GPRC5C: variants seen among roughly 807,000 people sequenced by gnomAD.
GPRC5C encodes G protein-coupled receptor class C group 5 member C.
A neutral mutation model predicts 31.4 loss-of-function variants in GPRC5C; 22 were observed. The ratio of observed to expected loss-of-function variants is 0.70; its 90% confidence interval spans 0.50 to 1.00. The LOEUF is 1.00. Ranked by LOEUF, GPRC5C falls within the 50% of genes least tolerant of loss-of-function variation. The pLI, the probability that GPRC5C is intolerant of heterozygous loss-of-function variation, is 0.00. For synonymous variants in GPRC5C, 249 were observed against 257.5 expected, an observed-to-expected ratio of 0.97 and a Z score of 0.32; for missense variants, 557 against 597.2, an observed-to-expected ratio of 0.93 and a Z score of 0.70.
chr17:74,441,051 G>A (rs996397256), intron 2 of GPRC5C, among the ~76,000 whole-genome samples: 2 of 151,992 alleles, frequency 1.3e-5, no homozygotes, highest in African/African-American at 2.4e-5. Flanking sequence ...AAGGCGGGTG[G>A]ATCACTTGAG....
At chr17:74,439,707 T>G (rs1351913982) in intron 1 of GPRC5C, 38 bp from the exon 2 acceptor site, 1 of 1,555,628 alleles carries the variant, frequency 6.4e-7, no homozygotes, top group East Asian at 2.3e-5. Context: ...AGTCTGATCT[T>G]GGAGGACTAA....
At chr17:74,433,579 G>A (rs2055387276) in intron 1 of GPRC5C, 1 of 788,392 alleles carries the variant, frequency 1.3e-6, no homozygotes, top group Non-Finnish European at 2.2e-6. Flanking sequence ...CCTAACCAGG[G>A]ACTGGGAGAG....
At chr17:74,434,405 C>T (rs1270768665) in intron 1 of GPRC5C, among the ~76,000 whole-genome samples, 1 of 152,210 alleles carries the variant, frequency 6.6e-6, no homozygotes, top group African/African-American at 2.4e-5. Context: ...AGGCACAGCA[C>T]CAGCTGTGGC....
In GPRC5C at chr17:74,446,833, C is replaced by T. The variant is rs766397707; in HGVS notation, c.1147-16C>T. The T allele has an allele frequency of 1.9e-6, 3 of 1,592,502 alleles. No individual in the cohort carries two copies. In the African/African-American group the frequency reaches 4.0e-5, roughly 21 times the overall value. On this transcript the variant is annotated splice_polypyrimidine_tract_variant and intron_variant, in intron 3 of 3. Transcript: ENST00000392627. ...TCCCAATCCCCGACTGTGAGACCGC[C>T]TGTTCTTCCTTCCAGTCCGAAGGAG...
downstream of GPRC5C, chr17:74,450,965 C>A: frequency 6.6e-6 from 1 of 152,444 alleles, no homozygotes. Flanking sequence ...CCGTCCCCAG[C>A]AGCCTGTGCC....
chr17:74,432,529 G>A, intron 1 of GPRC5C: 1 of 1,001,972 alleles, frequency 1.0e-6, no homozygotes, highest in Non-Finnish European at 1.2e-6. Flanking sequence ...CCCAGGTAAG[G>A]GCTGCTGCCT....
Position 74,440,777 on chromosome 17 carries a change from A to G in GPRC5C, c.1001A>G (p.Gln334Arg). Residue 334 changes from glutamine (Q) to arginine (R), a missense_variant, in exon 2 of 4, where the codon CAG becomes CGG. Physicochemically the swap from Gln to Arg is conservative, Grantham distance 43. Transcript: ENST00000392627. This position sits in a 1 kb window ranked among gnomAD's most constrained non-coding sequence, Gnocchi z 4.4. ...YETILKEQKG[Q>R]SMFVENKAFS... ...ACCATCCTGAAAGAGCAGAAGGGTC[A>G]GAGCATGTTCGTGGAGAACAAGGCC... 3 of 1,552,368 alleles carry G rather than the reference A, an allele frequency of 1.9e-6. No individual in the cohort carries two copies. The highest frequency in any genetic ancestry group is 2.6e-6 in the Non-Finnish European group (3 of 1,143,476).
downstream of GPRC5C, chr17:74,449,034 C>A: frequency 2.0e-6 from 1 of 499,076 alleles, no homozygotes; most frequent in Non-Finnish European, 3.4e-6. Flanking sequence ...GGGGAGCCTG[C>A]TCCTCCCAGG....
At chr17:74,449,748 G>T, downstream of GPRC5C, 1 of 195,890 alleles carries the variant, frequency 5.1e-6, no homozygotes, top group South Asian at 8.1e-5. Context: ...TCAGTGCCCC[G>T]TCTTGACTCT....
At chr17:74,432,181 G>T in intron 1 of GPRC5C, 40 bp downstream of exon 1, 1 of 1,589,932 alleles carries the variant, frequency 6.3e-7, no homozygotes. Flanking sequence ...CTTTGTTCCT[G>T]TGTAAACGGA....
At chr17:74,442,342 G>A (rs1252315986) in intron 2 of GPRC5C, among the ~76,000 whole-genome samples, 1 of 152,210 alleles carries the variant, frequency 6.6e-6, no homozygotes, top group Non-Finnish European at 1.5e-5. Flanking sequence ...GTGCCGTGTA[G>A]TGGTCTCAGC....
chr17:74,437,629 A>ATTTTTTTTTTTTTTTTTT (rs57390968), intron 1 of GPRC5C, among the ~76,000 whole-genome samples: 16 of 129,868 alleles, frequency 1.2e-4, no homozygotes, highest in African/African-American at 3.5e-4. Context: ...TATGGACAGA[A>ATTTTTTTTTTTTTTTTTT]TTTTTTTTTT....
At position 74,439,768 on chromosome 17, in the gene GPRC5C, G is replaced by T; in HGVS notation, c.-9G>T. On this transcript the variant is annotated 5_prime_UTR_variant, in exon 2 of 4. Coordinates refer to ENST00000392627, the MANE Select transcript of GPRC5C (RefSeq NM_022036.4). ...AGGGACCCAACCAGAGCCTGGCCTG[G>T]GAGCCAGGATGGCCATCCACAAAGC... 1 of 1,608,700 alleles carries T rather than the reference G, an allele frequency of 6.2e-7. No individual in the cohort carries two copies. The highest frequency in any genetic ancestry group is 8.5e-7 in the Non-Finnish European group (1 of 1,176,636).
chr17:74,445,991 CCCCCG>C (rs1567964907), intron 3 of GPRC5C: 3 of 56,200 alleles, frequency 5.3e-5, no homozygotes, highest in Admixed American at 2.2e-4. Flanking sequence ...AGACCCCCCC[CCCCCG>C]CCCACCATCT....
At position 74,446,830 on chromosome 17, in the gene GPRC5C, C is replaced by T. The variant is rs778928610; in HGVS notation, c.1147-19C>T. ...GGCTCCCAATCCCCGACTGTGAGAC[C>T]GCCTGTTCTTCCTTCCAGTCCGAAG... On this transcript the variant is annotated intron_variant, in intron 3 of 3. Coordinates refer to ENST00000392627, the MANE Select transcript of GPRC5C (RefSeq NM_022036.4). 56 of 1,587,520 alleles carry T rather than the reference C, an allele frequency of 3.5e-5. 1 individual carries two copies. In the South Asian group the frequency reaches 5.2e-4, roughly 15 times the overall value.
chr17:74,443,138 C>T (rs2055569777), intron 2 of GPRC5C: 1 of 166,958 alleles, frequency 6.0e-6, no homozygotes, highest in Non-Finnish European at 1.3e-5. Flanking sequence ...CCCCGGGGTG[C>T]GTCAGCAGCC....
chr17:74,446,497 T>C (rs938381540), intron 3 of GPRC5C: 1 of 206,116 alleles, frequency 4.9e-6, no homozygotes, highest in African/African-American at 2.3e-5. Context: ...CTGGGAGCTA[T>C]GTCAGACAGG....
At chr17:74,449,223 T>C, downstream of GPRC5C, 1 of 473,374 alleles carries the variant, frequency 2.1e-6, no homozygotes, top group Non-Finnish European at 3.9e-6. Flanking sequence ...CCTTCTATGC[T>C]CAGATTGCAT....
chr17:74,446,940 T>C lies in GPRC5C; in HGVS notation c.1238T>C (p.Met413Thr). Reference protein sequence around the residue: ...SANSTLRAEDMYSAQSHQAAT... With the variant: ...SANSTLRAEDTYSAQSHQAAT... Reference sequence around the variant, plus strand: ...AACTCGACCCTGCGGGCTGAAGACATGTACTCGGCCCAGAGCCACCAGGCG... The same window carrying C: ...AACTCGACCCTGCGGGCTGAAGACACGTACTCGGCCCAGAGCCACCAGGCG... Residue 413 changes from methionine (M) to threonine (T), a missense_variant, in exon 4 of 4, where the codon ATG (methionine) becomes ACG (threonine). Transcript: ENST00000392627. The C allele has an allele frequency of 6.2e-7, 1 of 1,614,022 alleles. No individual in the cohort carries two copies. Among genetic ancestry groups the C allele is most frequent in the South Asian group, 1.1e-5 (1 of 91,076 alleles).
Sources: allele counts gnomAD v4.1 joint callset (sites outside exome capture counted in the v4.1 genomes callset), GRCh38; gene constraint gnomAD v4.1.1; non-coding constraint Gnocchi (gnomAD v3.1); transcripts MANE v1.5; gene names NCBI Gene and HGNC (gene_info 2026-07-23, HGNC 2026-07-21).